The following ANKS1B variants were observed in gnomAD, a reference collection of about 807,000 sequenced individuals.
ANKS1B encodes ankyrin repeat and sterile alpha motif domain-containing protein 1B.
Under a neutral mutation model 148.3 loss-of-function variants are expected in ANKS1B, and 36 were observed. The ratio of observed to expected loss-of-function variants is 0.24; its 90% CI spans 0.19 to 0.32. The LOEUF (loss-of-function observed/expected upper bound fraction) is 0.32, where lower values mean the gene tolerates loss of function less well. Among genes scored for constraint, ANKS1B ranks in the 10% least tolerant of loss-of-function variants. The pLI is 1.00. For missense variants in ANKS1B, 1,157 were observed against 1,542.6 expected (o/e 0.75, Z 4.19); for synonymous variants, 542 against 560.8 (o/e 0.97, Z 0.47).
intron 10 of ANKS1B, among the ~76,000 whole-genome samples, chr12:99,488,605 G>A (rs530159975): frequency 6.6e-6 from 1 of 152,142 alleles, no homozygotes; most frequent in African/African-American, 2.4e-5. Context: ...CTCATTCTCA[G>A]CAGAGGGGCA....
chr12:99,976,071 T>C (rs958969067), intron 1 of ANKS1B, among the ~76,000 whole-genome samples: 1 of 152,198 alleles, frequency 6.6e-6, no homozygotes, highest in African/African-American at 2.4e-5. Context: ...CTGGAGGCCA[T>C]AATCCTAAGA....
intron 1 of ANKS1B, among the ~76,000 whole-genome samples, chr12:99,881,750 C>G (rs1036569822): frequency 2.0e-5 from 3 of 152,178 alleles, no homozygotes; most frequent in African/African-American, 4.8e-5. Context: ...GACACTGAAA[C>G]CACAAGCCAC....
At chr12:99,564,257 C>T (rs1195846669) in intron 9 of ANKS1B, among the ~76,000 whole-genome samples, 1 of 151,952 alleles carries the variant, frequency 6.6e-6, no homozygotes, top group East Asian at 1.9e-4. Context: ...ACTGGATACA[C>T]TGAAATTATA....
chr12:99,594,608 C>A (rs1355102609), intron 9 of ANKS1B, among the ~76,000 whole-genome samples: 1 of 152,016 alleles, frequency 6.6e-6, no homozygotes, highest in Non-Finnish European at 1.5e-5. Flanking sequence ...TAGCAAAATA[C>A]ACCAGTCACA....
At chr12:99,436,466 T>C (rs1311402981) in intron 11 of ANKS1B, among the ~76,000 whole-genome samples, 1 of 152,092 alleles carries the variant, frequency 6.6e-6, no homozygotes, top group Admixed American at 6.6e-5. Context: ...TTTTATTCCT[T>C]ATCTATTTTT....
chr12:99,306,262 T>A lies in ANKS1B; in HGVS notation c.1757-59398A>T, dbSNP rs145016255. Among the ~76,000 whole-genome samples the A allele has an allele frequency of 2.0e-5, 3 of 152,218 alleles. No homozygotes were observed. In the East Asian group the frequency reaches 5.8e-4, roughly 29 times the overall value. ...CCTCAGCAACCTCACAAGGTGCAAG[T>A]GGGGTAGGGGATGACTGAGAAGGAA... On this transcript the variant is annotated intron_variant, in intron 12 of 26. Coordinates refer to ENST00000683438, the MANE Select transcript of ANKS1B (RefSeq NM_001352186.2).
chr12:99,568,882 A>G (rs1418668550), intron 9 of ANKS1B, among the ~76,000 whole-genome samples: 3 of 152,164 alleles, frequency 2.0e-5, no homozygotes, highest in Admixed American at 6.5e-5. Context: ...TATGAATAGA[A>G]CTCAGCTTCT....
intron 17 of ANKS1B, among the ~76,000 whole-genome samples, chr12:98,952,469 T>G (rs2099855581): frequency 6.6e-6 from 1 of 152,218 alleles, no homozygotes; most frequent in South Asian, 2.1e-4. Context: ...AAATTTTCTC[T>G]TTTCACCTTT....
rs2096543045 is a variant in ANKS1B at position 99,490,306 on chromosome 12, C to A, written c.1438+14170G>T. On this transcript the variant is annotated intron_variant, in intron 10 of 26. Coordinates refer to ENST00000683438, the MANE Select transcript of ANKS1B (RefSeq NM_001352186.2). ...AATGCACTGAGAACTACAGTGATTTCTCAATGCCAGATTTGCTTCTGAATT... is the reference window on the plus strand; with the variant it reads ...AATGCACTGAGAACTACAGTGATTTATCAATGCCAGATTTGCTTCTGAATT... Among the ~76,000 whole-genome samples, 4 of 152,320 alleles carry A rather than the reference C, an allele frequency of 2.6e-5. No individual in the cohort carries two copies. The South Asian group carries it at 8.3e-4, about 32-fold the overall frequency.
chr12:98,922,613 C>T (rs1329722870), intron 17 of ANKS1B, among the ~76,000 whole-genome samples: 1 of 152,174 alleles, frequency 6.6e-6, no homozygotes, highest in Non-Finnish European at 1.5e-5. Context: ...ATTCTCCTGC[C>T]TCAGCCTCCC....
At chr12:98,797,438 C>G (rs2098959967) in intron 22 of ANKS1B, among the ~76,000 whole-genome samples, 1 of 152,146 alleles carries the variant, frequency 6.6e-6, no homozygotes, top group South Asian at 2.1e-4. Context: ...CTAGGGGACA[C>G]TGTAAAGACT....
chr12:99,716,725 A>G (rs779728823), intron 8 of ANKS1B, among the ~76,000 whole-genome samples: 2 of 151,878 alleles, frequency 1.3e-5, no homozygotes, highest in Non-Finnish European at 2.9e-5. Context: ...TCTGTTCCCA[A>G]TGCAAATCGT....
At chr12:99,417,659 G>A (rs748126839) in intron 11 of ANKS1B, among the ~76,000 whole-genome samples, 1 of 152,084 alleles carries the variant, frequency 6.6e-6, no homozygotes, top group Non-Finnish European at 1.5e-5. Flanking sequence ...TTGCTACACT[G>A]AGTCTTCTAA....
At chr12:99,355,909 T>G (rs2091929752) in intron 12 of ANKS1B, among the ~76,000 whole-genome samples, 1 of 152,070 alleles carries the variant, frequency 6.6e-6, no homozygotes, top group Non-Finnish European at 1.5e-5. Context: ...ATCTTTTACC[T>G]TTTCTCAGTG....
intron 12 of ANKS1B, among the ~76,000 whole-genome samples, chr12:99,327,099 CAA>C (rs1299939223): frequency 2.5e-5 from 3 of 118,666 alleles, no homozygotes; most frequent in Non-Finnish European, 3.3e-5. Flanking sequence ...TATAATATAT[CAA>C]TATATATTAA....
chr12:99,401,749 G>C (rs897838192), intron 11 of ANKS1B, among the ~76,000 whole-genome samples: 2 of 146,590 alleles, frequency 1.4e-5, no homozygotes, highest in Non-Finnish European at 3.0e-5. Flanking sequence ...CTTCGAAAAA[G>C]AGACAAGCAA....
chr12:98,768,419 T>G (rs1348723203), intron 25 of ANKS1B, among the ~76,000 whole-genome samples: 9 of 80,468 alleles, frequency 1.1e-4, no homozygotes, highest in South Asian at 4.8e-4. Context: ...CCCTGTGGGG[T>G]GCTCTCTAAA....
chr12:99,984,108 G>A lies in ANKS1B; in HGVS notation c.130C>T (p.Leu44=). The A allele has an allele frequency of 6.2e-7, 1 of 1,612,720 alleles. No individual in the cohort carries two copies. The highest frequency in any genetic ancestry group is 1.3e-5 in the African/African-American group (1 of 75,012). Residue 44 remains leucine, a synonymous_variant, in exon 1 of 27, where the codon CTA becomes TTA. Coordinates refer to ENST00000683438, the MANE Select transcript of ANKS1B (RefSeq NM_001352186.2). The part of the protein sequence containing the change: ...GSGPLPLSNL[L]SIWRGPNVNC... The stretch of plus-strand genomic sequence containing the variant: ...GGAGCTGGTGCCCGTCCTTACCTTA[G>A]CAGATTAGACAGGGGCAGGGGTCCG...
chr12:98,862,258 C>G (rs1219491482), intron 17 of ANKS1B, among the ~76,000 whole-genome samples: 1 of 152,118 alleles, frequency 6.6e-6, no homozygotes, highest in Non-Finnish European at 1.5e-5. Flanking sequence ...ATCCTGGGTT[C>G]AGAACCCAGC....
Sources: gnomAD v4.1 joint callset for allele counts (sites outside exome capture counted in the v4.1 genomes callset) on GRCh38, gnomAD v4.1.1 for gene constraint, MANE v1.5 for transcripts, NCBI Gene and HGNC (gene_info 2026-07-23, HGNC 2026-07-21) for gene names.